Variants in CNNM1 observed in about 807,000 individuals in gnomAD.
CNNM1 encodes the protein metal transporter CNNM1.
CNNM1 carries 44 observed loss-of-function variants against 78.8 expected under a neutral mutation model. The observed-to-expected ratio is 0.56, with a 90% CI of 0.44 to 0.72. CNNM1 has a LOEUF of 0.72. Ranked by LOEUF, CNNM1 falls within the 30% of genes least tolerant of loss-of-function variation. CNNM1 has a pLI of 0.00. For synonymous variants in CNNM1, 584 were observed against 581.5 expected (o/e 1.00, Z -0.06); for missense variants, 1,101 against 1,292.2 (o/e 0.85, Z 2.27).
chr10:99,334,609 C>T (rs1013408726), intron 1 of CNNM1, among the ~76,000 whole-genome samples: 1 of 152,036 alleles, frequency 6.6e-6, no homozygotes, highest in East Asian at 1.9e-4. Context: ...TGAGATCGCA[C>T]CACTGTACTC....
chr10:99,346,424 G>A (rs1377776337), intron 1 of CNNM1, among the ~76,000 whole-genome samples: 2 of 152,156 alleles, frequency 1.3e-5, no homozygotes, highest in Non-Finnish European at 2.9e-5. Flanking sequence ...TCAGCACCTG[G>A]CACAGTGCCT....
In CNNM1 at chr10:99,393,968, G is replaced by A. The variant is rs1293413868; in HGVS notation, c.*2452G>A. On this transcript the variant is annotated 3_prime_UTR_variant, in exon 11 of 11. Coordinates refer to ENST00000356713, the MANE Select transcript of CNNM1 (RefSeq NM_020348.3). ...CACCTGCTCTTGCCTGGTAGGAACA[G>A]GCGAAGTGTCAGCCCTCAATGTTGG... 1 of 152,234 alleles carries A rather than the reference G, an allele frequency of 6.6e-6. No homozygotes were observed. Among genetic ancestry groups the A allele is most frequent in the African/African-American group, 2.4e-5 (1 of 41,460 alleles). The allele number at this position is 152,234 out of a possible 1,614,324, so 9.4% of individuals were successfully genotyped here.
chr10:99,347,751 C>T (rs1021049472), intron 1 of CNNM1, among the ~76,000 whole-genome samples: 40 of 152,062 alleles, frequency 2.6e-4, no homozygotes, highest in African/African-American at 9.4e-4. Flanking sequence ...CTACAGCCAC[C>T]GCATTGGCCT....
intron 7 of CNNM1, among the ~76,000 whole-genome samples, chr10:99,383,685 G>A (rs2032223317): frequency 6.6e-6 from 1 of 152,212 alleles, no homozygotes; most frequent in South Asian, 2.1e-4. Flanking sequence ...AAGGCAAGTA[G>A]ACATGGCGCA....
chr10:99,374,799 A>G (rs2031913631), intron 6 of CNNM1, among the ~76,000 whole-genome samples: 1 of 152,226 alleles, frequency 6.6e-6, no homozygotes, highest in Admixed American at 6.5e-5. Flanking sequence ...CTGGGTGTAC[A>G]ATGAGGATAA....
chr10:99,356,562 C>CAGACAGACAGAAAGAAAGAAAAGAAAGAA, intron 1 of CNNM1, among the ~76,000 whole-genome samples: 2 of 98,538 alleles, frequency 2.0e-5, no homozygotes, highest in Admixed American at 1.1e-4. Flanking sequence ...GACAGACAGA[C>CAGACAGACAGAAAGAAAGAAAAGAAAGAA]AGAAAGAAAG....
chr10:99,348,050 A>ATATTTT (rs1352183839), intron 1 of CNNM1, among the ~76,000 whole-genome samples: 3 of 131,682 alleles, frequency 2.3e-5, no homozygotes, highest in African/African-American at 8.8e-5. Context: ...ATATATATAT[A>ATATTTT]TTTTTTTTTT....
intron 1 of CNNM1, among the ~76,000 whole-genome samples, chr10:99,354,366 G>A (rs189617392): frequency 1.3e-5 from 2 of 152,100 alleles, no homozygotes; most frequent in Non-Finnish European, 2.9e-5. Context: ...TAAACATACT[G>A]TTATATTTTA....
intron 7 of CNNM1, among the ~76,000 whole-genome samples, chr10:99,387,098 G>A (rs1278206713): frequency 2.0e-5 from 3 of 152,188 alleles, no homozygotes; most frequent in Non-Finnish European, 2.9e-5. Context: ...CAGAGAACAG[G>A]GGTGACAGAG....
At chr10:99,368,769 T>A in intron 6 of CNNM1, 1 of 912,460 alleles carries the variant, frequency 1.1e-6, no homozygotes. Flanking sequence ...GCATGAGAAC[T>A]AATCACTCCA....
Position 99,368,611 on chromosome 10 carries a change from T to C in CNNM1, c.2176+3609T>C, listed in dbSNP as rs766117779. On this transcript the variant is annotated intron_variant, in intron 6 of 10. Coordinates refer to ENST00000356713, the MANE Select transcript of CNNM1 (RefSeq NM_020348.3). ...AACTCACAAATCCTTGGCCCCTGAC[T>C]CTTTAGTGCCTGTCTCTGTGTCTCG... is the stretch of plus-strand genomic sequence containing the variant. 6 of 1,289,708 alleles carry C rather than the reference T, an allele frequency of 4.7e-6. No individual in the cohort carries two copies. In the South Asian group the frequency reaches 6.2e-5, roughly 13 times the overall value. The allele number at this position is 1,289,708 out of a possible 1,614,324, so 79.9% of individuals were successfully genotyped here.
Position 99,377,169 on chromosome 10 carries a change from A to G in CNNM1, c.2291A>G (p.Tyr764Cys). Residue 764 changes from tyrosine (Y) to cysteine (C), a missense_variant, in exon 7 of 11, where the codon TAC becomes TGC. Coordinates refer to ENST00000356713, the MANE Select transcript of CNNM1 (RefSeq NM_020348.3). ...TQLYSSSNNL[Y>C]MPDYSVHILS... The stretch of plus-strand genomic sequence containing the variant: ...CTGTACAGCAGCAGCAACAACCTCT[A>G]CATGCCTGACTACTCAGTCCACATC... 2 of 1,613,624 alleles carry G rather than the reference A, an allele frequency of 1.2e-6. No individual in the cohort carries two copies. Among genetic ancestry groups the G allele is most frequent in the South Asian group, 2.2e-5 (2 of 90,908 alleles).
rs1264731333 is a variant in CNNM1 at position 99,394,136 on chromosome 10, G to A, written c.*2620G>A. The A allele has an allele frequency of 6.6e-6, 1 of 152,372 alleles. No homozygotes were observed. Among genetic ancestry groups the A allele is most frequent in the Admixed American group, 6.6e-5 (1 of 15,252 alleles). The allele number at this position is 152,372 out of a possible 1,614,324, so 9.4% of individuals were successfully genotyped here. A position where few individuals can be genotyped will look rare whatever the true frequency, so the allele number is the denominator to read the frequency against. On this transcript the variant is annotated 3_prime_UTR_variant, in exon 11 of 11. Coordinates refer to ENST00000356713, the MANE Select transcript of CNNM1 (RefSeq NM_020348.3). The stretch of plus-strand genomic sequence containing the variant: ...AGGCCACCAGGCTCAAGCCACTGCT[G>A]TTGCATTACACCCATCCCTTTGCAA...
chr10:99,330,769 A>G lies in CNNM1; in HGVS notation c.1382A>G (p.Tyr461Cys), dbSNP rs1225001785. Residue 461 changes from tyrosine to cysteine, a missense_variant, in exon 1 of 11, where the codon TAC becomes TGC. Around this residue, in one of 3 missense-constraint regions of CNNM1, gnomAD observed 277 missense variants for 423.2 expected, o/e 0.65. Coordinates refer to ENST00000356713, the MANE Select transcript of CNNM1 (RefSeq NM_020348.3). ...ATVSEILRSG[Y>C]TRIPVYEGDQ... ...GTCTCCGAGATCCTGCGCAGCGGCT[A>G]CACTCGCATCCCAGTGTACGAGGGT... is the stretch of plus-strand genomic sequence containing the variant. 3 of 1,614,078 alleles carry G rather than the reference A, an allele frequency of 1.9e-6. No individual in the cohort carries two copies. Among genetic ancestry groups the G allele is most frequent in the Middle Eastern group, 1.6e-4 (1 of 6,062 alleles).
At position 99,365,860 on chromosome 10, in the gene CNNM1, T is replaced by G. The variant is rs1024602248; in HGVS notation, c.2176+858T>G. 5.9e-5 allele frequency among the ~76,000 whole-genome samples: 9 copies of G among 152,294 alleles called. No homozygotes were observed. In the East Asian group the frequency reaches 1.5e-3, roughly 26 times the overall value. On this transcript the variant is annotated intron_variant, in intron 6 of 10. Coordinates refer to ENST00000356713, the MANE Select transcript of CNNM1 (RefSeq NM_020348.3). ...ATTATCAGAGGGTCCCAGAGCTTGA[T>G]ATCATAGTCCCTGGAACATGGCAAG...
At chr10:99,347,599 A>ACACACACACACAC (rs1564942665) in intron 1 of CNNM1, among the ~76,000 whole-genome samples, 1 of 151,632 alleles carries the variant, frequency 6.6e-6, no homozygotes. Context: ...ACACACACAC[A>ACACACACACACAC]AATGTTGCAA....
chr10:99,330,987 A>G, intron 1 of CNNM1, 27 bp downstream of exon 1: 1 of 1,579,448 alleles, frequency 6.3e-7, no homozygotes. Flanking sequence ...CTTCTCCCCC[A>G]ACTCCTATCC....
chr10:99,346,192 C>A (rs566428373), intron 1 of CNNM1, among the ~76,000 whole-genome samples: 1 of 152,172 alleles, frequency 6.6e-6, no homozygotes, highest in East Asian at 1.9e-4. Context: ...TTTCGGGGAT[C>A]GTTAATCCGG....
At chr10:99,360,093 C>T (rs904346570) in intron 2 of CNNM1, among the ~76,000 whole-genome samples, 1 of 152,152 alleles carries the variant, frequency 6.6e-6, no homozygotes, top group African/African-American at 2.4e-5. Flanking sequence ...TGCCTGAGGC[C>T]CCCATCCAGA....
Sources: allele counts gnomAD v4.1 joint callset (sites outside exome capture counted in the v4.1 genomes callset), GRCh38; gene constraint gnomAD v4.1.1; regional missense constraint gnomAD v4.1.1; transcripts MANE v1.5; gene names NCBI Gene and HGNC (gene_info 2026-07-23, HGNC 2026-07-21).